SV2C: variants seen among roughly 807,000 people sequenced by gnomAD.
The protein encoded by SV2C is solute carrier family 22 member B3.
In SV2C, 49 loss-of-function variants were observed where a neutral mutation model predicts 79.7. The ratio of observed to expected loss-of-function variants is 0.61; its 90% CI spans 0.49 to 0.78. The LOEUF (loss-of-function observed/expected upper bound fraction) is 0.78. Ranked by LOEUF, SV2C falls within the 30% of genes least tolerant of loss-of-function variation. SV2C has a pLI of 0.00. For synonymous variants in SV2C, 334 were observed against 333.2 expected (o/e 1.00, Z -0.03); for missense variants, 833 against 912.9 (o/e 0.91, Z 1.13).
the SV2C span, among the ~76,000 whole-genome samples, chr5:76,027,510 A>G: frequency 6.6e-6 from 1 of 152,136 alleles, no homozygotes; most frequent in Non-Finnish European, 1.5e-5. Context: ...TTACATTCTA[A>G]TTGACAAAAT....
chr5:76,132,875 C>T (rs541836433), intron 2 of SV2C, among the ~76,000 whole-genome samples: 8 of 151,930 alleles, frequency 5.3e-5, no homozygotes, highest in Admixed American at 3.9e-4. Flanking sequence ...TAGCCTTATT[C>T]GTATAATTTT....
the SV2C span, among the ~76,000 whole-genome samples, chr5:76,033,764 G>GT: frequency 6.6e-6 from 1 of 152,092 alleles, no homozygotes; most frequent in African/African-American, 2.4e-5. Flanking sequence ...CTTTCAAGTA[G>GT]TTTTTTCCAA....
the SV2C span, among the ~76,000 whole-genome samples, chr5:75,909,772 T>C: frequency 1.3e-5 from 2 of 152,182 alleles, no homozygotes; most frequent in Non-Finnish European, 2.9e-5. Context: ...TTCATCTCTT[T>C]CATTTATCCT....
chr5:76,066,925 C>A, the SV2C span, among the ~76,000 whole-genome samples: 1 of 151,994 alleles, frequency 6.6e-6, no homozygotes, highest in East Asian at 1.9e-4. Flanking sequence ...TGCCATTGGC[C>A]AGTAGGGAGT....
chr5:76,336,791 A>G (rs1047691146), downstream of SV2C, among the ~76,000 whole-genome samples: 2 of 152,190 alleles, frequency 1.3e-5, no homozygotes, highest in Non-Finnish European at 2.9e-5. Context: ...CTTCATGATC[A>G]GGCTGTTGAA....
chr5:76,002,210 G>A, the SV2C span, among the ~76,000 whole-genome samples: 3 of 151,566 alleles, frequency 2.0e-5, no homozygotes, highest in African/African-American at 7.3e-5. Context: ...TTATGCATTC[G>A]TTGGTTGACG....
chr5:76,075,728 T>C, the SV2C span: 1 of 358,162 alleles, frequency 2.8e-6, no homozygotes, highest in South Asian at 2.4e-5. Context: ...GGCACAAACT[T>C]CAATTTTGCA....
chr5:76,002,455 C>A, the SV2C span, among the ~76,000 whole-genome samples: 1 of 152,108 alleles, frequency 6.6e-6, no homozygotes, highest in Admixed American at 6.6e-5. Flanking sequence ...TATGGGGTTC[C>A]TTTGGAGGGT....
intron 2 of SV2C, among the ~76,000 whole-genome samples, chr5:76,147,074 G>T (rs1749459357): frequency 6.6e-6 from 1 of 152,094 alleles, no homozygotes. Flanking sequence ...GAATGGGAAG[G>T]TACAATGTGT....
At chr5:76,088,270 T>G (rs978361070) in intron 1 of SV2C, among the ~76,000 whole-genome samples, 1 of 152,254 alleles carries the variant, frequency 6.6e-6, no homozygotes, top group African/African-American at 2.4e-5. Context: ...CAGTTAAATT[T>G]GAATTTAGAT....
chr5:76,146,992 G>A (rs1223063204), intron 2 of SV2C, among the ~76,000 whole-genome samples: 3 of 152,100 alleles, frequency 2.0e-5, no homozygotes, highest in African/African-American at 4.8e-5. Flanking sequence ...GCAAACTCAT[G>A]GAGATGGGGA....
chr5:76,337,966 G>C (rs1478521807), downstream of SV2C, among the ~76,000 whole-genome samples: 1 of 152,208 alleles, frequency 6.6e-6, no homozygotes, highest in Non-Finnish European at 1.5e-5. Flanking sequence ...ACAGTGACCA[G>C]CTTGAGCCCT....
chr5:76,163,150 C>T (rs1440594395), intron 2 of SV2C, among the ~76,000 whole-genome samples: 1 of 152,166 alleles, frequency 6.6e-6, no homozygotes, highest in Non-Finnish European at 1.5e-5. Context: ...GTTCCAGCCT[C>T]ACTGACAGGT....
the SV2C span, among the ~76,000 whole-genome samples, chr5:75,925,070 T>C: frequency 0.056 from 8,595 of 152,262 alleles, 679 homozygotes; most frequent in African/African-American, 0.18. Flanking sequence ...GTTTACACTA[T>C]TAGTAAAAAC....
At chr5:75,969,023 A>AT in the SV2C span, among the ~76,000 whole-genome samples, 1 of 152,196 alleles carries the variant, frequency 6.6e-6, no homozygotes, top group Non-Finnish European at 1.5e-5. Context: ...CCAATATTCA[A>AT]CATTCTTAAA....
At chr5:76,019,673 T>A in the SV2C span, among the ~76,000 whole-genome samples, 1 of 152,040 alleles carries the variant, frequency 6.6e-6, no homozygotes, top group Non-Finnish European at 1.5e-5. Flanking sequence ...GACTCTCGGA[T>A]GAGAGATTTG....
chr5:76,294,738 G>A (rs934573724), intron 8 of SV2C, among the ~76,000 whole-genome samples: 2 of 152,162 alleles, frequency 1.3e-5, no homozygotes, highest in East Asian at 1.9e-4. Context: ...GTAGGCACAC[G>A]TGGTTAGTGG....
chr5:76,319,286 G>A (rs1398198114), intron 12 of SV2C, among the ~76,000 whole-genome samples: 1 of 151,798 alleles, frequency 6.6e-6, no homozygotes, highest in African/African-American at 2.4e-5. Flanking sequence ...GTGTGCGGCA[G>A]TGCAAGCTTT....
the SV2C span, among the ~76,000 whole-genome samples, chr5:76,025,640 T>C: frequency 1.3e-5 from 2 of 152,228 alleles, no homozygotes. Flanking sequence ...CCTTGATTTC[T>C]GTATGCATGA....
Sources: allele counts gnomAD v4.1 joint callset (sites outside exome capture counted in the v4.1 genomes callset), GRCh38; gene constraint gnomAD v4.1.1; transcripts MANE v1.5; gene names NCBI Gene and HGNC (gene_info 2026-07-23, HGNC 2026-07-21).